Variants in FLRT1 observed in about 807,000 individuals in gnomAD.
FLRT1 encodes the protein leucine-rich repeat transmembrane protein FLRT1.
FLRT1 carries 14 observed loss-of-function variants against 30.9 expected under a neutral mutation model. The observed-to-expected ratio is 0.45, with a 90% CI of 0.30 to 0.71. The LOEUF is 0.71. Ranked by LOEUF, FLRT1 falls within the 30% of genes least tolerant of loss-of-function variation. The probability of loss-of-function intolerance (pLI) is 0.08; values close to 1 mark genes in which losing one functional copy is unlikely to be tolerated. For synonymous variants in FLRT1, 368 were observed against 430.4 expected (o/e 0.85, Z 1.80); for missense variants, 737 against 949.2 (o/e 0.78, Z 2.94).
At chr11:64,068,443 TAA>T (rs1944045530) in intron 1 of FLRT1, among the ~76,000 whole-genome samples, 1 of 152,176 alleles carries the variant, frequency 6.6e-6, no homozygotes, top group Non-Finnish European at 1.5e-5. Context: ...TAGCAAGGAA[TAA>T]AAGAGTCTGG....
In FLRT1 at chr11:64,116,763, G is replaced by A. The variant is rs756090482; in HGVS notation, c.496G>A (p.Val166Ile). The A allele has an allele frequency of 2.2e-5, 36 of 1,613,628 alleles. No homozygotes were observed. The highest frequency in any genetic ancestry group is 3.3e-5 in the South Asian group (3 of 91,084). ...CCTGGATGACAACTCCGTGTCCACC[G>A]TCAGCATTGAGGAGGACGCCTTCGC... ...LHLDDNSVST[V>I]SIEEDAFADS... Residue 166 changes from valine (V) to isoleucine (I), a missense_variant, in exon 3 of 3, where the codon GTC (valine) becomes ATC (isoleucine). By Grantham distance (29) the Val-to-Ile change is conservative (BLOSUM62 3). Transcript: ENST00000682287.
intron 2 of FLRT1, among the ~76,000 whole-genome samples, chr11:64,114,118 G>C (rs983548987): frequency 1.3e-5 from 2 of 150,916 alleles, no homozygotes; most frequent in African/African-American, 4.9e-5. Flanking sequence ...ATGGATGGAT[G>C]CAAGGACTGG....
rs777438545 is a variant in FLRT1 at position 64,039,238 on chromosome 11, AG to A, written c.-1038+3083del. ...GGTGAGCGAGCGTGGGTGGACAAGAAGGGGCGTGGGTGTGGCGAGGGTGCTA... is the reference window on the plus strand; with the variant it reads ...GGTGAGCGAGCGTGGGTGGACAAGAAGGGCGTGGGTGTGGCGAGGGTGCTA... On this transcript the variant is annotated intron_variant, in intron 1 of 2. Coordinates refer to ENST00000682287, the MANE Select transcript of FLRT1 (RefSeq NM_013280.5). 4.0e-5 allele frequency among the ~76,000 whole-genome samples: 6 copies of A among 150,560 alleles called. No homozygotes were observed. In the East Asian group the frequency reaches 9.9e-4, roughly 25 times the overall value.
chr11:64,079,592 C>T (rs987213099), intron 1 of FLRT1, among the ~76,000 whole-genome samples: 52 of 152,100 alleles, frequency 3.4e-4, no homozygotes, highest in South Asian at 2.5e-3. Context: ...GGGTCCTGGG[C>T]GTGGGGTGGG....
At chr11:64,055,039 C>G (rs1943759758) in intron 1 of FLRT1, among the ~76,000 whole-genome samples, 1 of 152,168 alleles carries the variant, frequency 6.6e-6, no homozygotes, top group Admixed American at 6.5e-5. Flanking sequence ...CCCATGCTGA[C>G]AGCCCTTCCT....
At chr11:64,046,414 G>A (rs1242985815) in intron 1 of FLRT1, among the ~76,000 whole-genome samples, 1 of 152,168 alleles carries the variant, frequency 6.6e-6, no homozygotes, top group Non-Finnish European at 1.5e-5. Context: ...CCCTGTGCTG[G>A]GGTGCGAGGC....
chr11:64,072,613 C>T (rs1162882162), intron 1 of FLRT1, among the ~76,000 whole-genome samples: 1 of 152,230 alleles, frequency 6.6e-6, no homozygotes, highest in Non-Finnish European at 1.5e-5. Context: ...TCTCCACAAA[C>T]ATCAGATGGG....
chr11:64,052,008 T>C (rs1943704308), intron 1 of FLRT1, among the ~76,000 whole-genome samples: 1 of 150,946 alleles, frequency 6.6e-6, no homozygotes, highest in Non-Finnish European at 1.5e-5. Context: ...AGGCGAGAGC[T>C]GGGGGCTTGC....
intron 1 of FLRT1, among the ~76,000 whole-genome samples, chr11:64,074,559 C>T (rs923657531): frequency 3.9e-5 from 6 of 152,208 alleles, no homozygotes; most frequent in East Asian, 1.9e-4. Flanking sequence ...GAAGCAATTC[C>T]GATGTCACCT....
chr11:64,091,962 A>T (rs1590895425), intron 1 of FLRT1, among the ~76,000 whole-genome samples: 1 of 152,018 alleles, frequency 6.6e-6, no homozygotes, highest in African/African-American at 2.4e-5. Context: ...CAGTGGCGTC[A>T]CTCTGGGCTC....
chr11:64,048,235 C>T (rs987343163), intron 1 of FLRT1, among the ~76,000 whole-genome samples: 5 of 152,242 alleles, frequency 3.3e-5, no homozygotes, highest in Admixed American at 6.5e-5. Context: ...CAGCTCCCGC[C>T]GGCAGCTACT....
Position 64,056,831 on chromosome 11 carries a change from G to A in FLRT1, c.-1038+20672G>A, listed in dbSNP as rs552995207. Among the ~76,000 whole-genome samples the A allele has an allele frequency of 3.9e-5, 6 of 152,194 alleles. No individual in the cohort carries two copies. In the South Asian group the frequency reaches 1.2e-3, roughly 32 times the overall value. On this transcript the variant is annotated intron_variant, in intron 1 of 2. Coordinates refer to ENST00000682287, the MANE Select transcript of FLRT1 (RefSeq NM_013280.5). The stretch of plus-strand genomic sequence containing the variant: ...GGTGCAAGGCCTGTCCCACCCCCTG[G>A]GATGACCTCCACTCTGCCTTCTAAA...
chr11:64,082,526 C>T lies in FLRT1; in HGVS notation c.-1037-20668C>T, dbSNP rs1266766268. 2.6e-5 allele frequency among the ~76,000 whole-genome samples: 4 copies of T among 152,108 alleles called. No homozygotes were observed. Among genetic ancestry groups the T allele is most frequent in the Non-Finnish European group, 5.9e-5 (4 of 67,964 alleles). ...GGGTGAAACAAGGCTCGGTGCCTAA[C>T]GGTGGTGGCCGTGGGAGTCAGAGCT... On this transcript the variant is annotated intron_variant, in intron 1 of 2. Coordinates refer to ENST00000682287, the MANE Select transcript of FLRT1 (RefSeq NM_013280.5). The surrounding 1 kb of genome is among the most constrained non-coding windows in gnomAD (Gnocchi z 4.5).
intron 2 of FLRT1, among the ~76,000 whole-genome samples, chr11:64,115,000 C>T (rs1590929389): frequency 1.3e-5 from 2 of 152,134 alleles, no homozygotes; most frequent in African/African-American, 4.8e-5. Context: ...GTCCCTGGGG[C>T]ATGAAAATAA....
chr11:64,048,184 C>A (rs1023137289), intron 1 of FLRT1, among the ~76,000 whole-genome samples: 29 of 152,352 alleles, frequency 1.9e-4, no homozygotes, highest in African/African-American at 5.8e-4. Flanking sequence ...GCCTCTCAGA[C>A]AGACAGGGCT....
chr11:64,099,807 G>A (rs555022215), intron 1 of FLRT1, among the ~76,000 whole-genome samples: 4 of 151,740 alleles, frequency 2.6e-5, no homozygotes, highest in East Asian at 3.9e-4. Flanking sequence ...AAGGATGGAC[G>A]GATGGAGAGG....
chr11:64,110,695 C>A (rs1422099265), intron 2 of FLRT1, among the ~76,000 whole-genome samples: 1 of 152,170 alleles, frequency 6.6e-6, no homozygotes, highest in African/African-American at 2.4e-5. Context: ...AGTCATGGAG[C>A]TGGCAGGTCG....
At chr11:64,083,298 T>C (rs958786516) in intron 1 of FLRT1, among the ~76,000 whole-genome samples, 5 of 152,116 alleles carry the variant, frequency 3.3e-5, no homozygotes, top group Non-Finnish European at 5.9e-5. Context: ...CAGCTGGGCA[T>C]GGTGGTGGGC....
intron 1 of FLRT1, among the ~76,000 whole-genome samples, chr11:64,066,557 T>C (rs979320327): frequency 6.6e-6 from 1 of 150,608 alleles, no homozygotes; most frequent in African/African-American, 2.5e-5. Flanking sequence ...AGGTCAAGGC[T>C]ACAGTGCAGT....
Sources: allele counts gnomAD v4.1 joint callset (sites outside exome capture counted in the v4.1 genomes callset), GRCh38; gene constraint gnomAD v4.1.1; non-coding constraint Gnocchi (gnomAD v3.1); transcripts MANE v1.5; gene names NCBI Gene and HGNC (gene_info 2026-07-23, HGNC 2026-07-21).